APC2: variants seen among roughly 807,000 people sequenced by gnomAD.
The protein encoded by APC2 is adenomatous polyposis coli protein 2.
In APC2, 41 loss-of-function variants were observed where a neutral mutation model predicts 72.5. The ratio of observed to expected loss-of-function variants is 0.57; its 90% CI spans 0.44 to 0.73. APC2 has a LOEUF of 0.73. Among genes scored for constraint, APC2 ranks in the 30% least tolerant of loss-of-function variants. APC2 has a pLI of 0.00. For synonymous variants in APC2, 1,898 were observed against 1,612.0 expected, an observed-to-expected ratio of 1.18 and a Z score of -4.25; for missense variants, 3,729 against 3,403.4, an observed-to-expected ratio of 1.10 and a Z score of -2.38.
In APC2 at chr19:1,471,490, G is replaced by A. The variant is rs1318718091; in HGVS notation, c.*1277G>A. The A allele has an allele frequency of 1.3e-5, 2 of 152,278 alleles. No homozygotes were observed. Among genetic ancestry groups the A allele is most frequent in the African/African-American group, 4.8e-5 (2 of 41,470 alleles). The allele number at this position is 152,278 out of a possible 1,614,324, so 9.4% of individuals were successfully genotyped here. ...GCTCGGCTGCCTCATCCCCTGGCGGGGGAGGCTGGGAGCTGGGCCTCCTGC... is the reference window on the plus strand; with the variant it reads ...GCTCGGCTGCCTCATCCCCTGGCGGAGGAGGCTGGGAGCTGGGCCTCCTGC... On this transcript the variant is annotated 3_prime_UTR_variant, in exon 15 of 15. Coordinates refer to ENST00000590469, the MANE Select transcript of APC2 (RefSeq NM_005883.3).
Position 1,462,186 on chromosome 19 carries a change from C to T in APC2, c.1853+9C>T. 1 of 1,522,378 alleles carries T rather than the reference C, an allele frequency of 6.6e-7. No individual in the cohort carries two copies. The highest frequency in any genetic ancestry group is 8.8e-7 in the Non-Finnish European group (1 of 1,132,176). 94.3% of individuals were successfully genotyped at this position (1,522,378 alleles called of 1,614,324 possible). On this transcript the variant is annotated intron_variant, in intron 14 of 14. Transcript: ENST00000590469. ...ACCCGTGAGGACTACAGGTCGGCCC[C>T]CACCCCCCCACCCGCACACAGGCAG... is the stretch of plus-strand genomic sequence containing the variant.
chr19:1,465,358 G>A lies in APC2; in HGVS notation c.2057G>A (p.Gly686Asp). 6.3e-7 allele frequency: 1 copy of A among 1,585,372 alleles called. No individual in the cohort carries two copies. Among genetic ancestry groups the A allele is most frequent in the Non-Finnish European group, 8.5e-7 (1 of 1,173,304 alleles). ...VHSKHKMIAM[G>D]SAAALRNLLA... Reference sequence around the variant, plus strand: ...TCCAAGCACAAGATGATCGCCATGGGCAGCGCCGCCGCCCTGCGCAACCTG... The same window carrying A: ...TCCAAGCACAAGATGATCGCCATGGACAGCGCCGCCGCCCTGCGCAACCTG... The change falls in exon 15 of 15, where the codon GGC becomes GAC. Residue 686 changes from glycine (G) to aspartate (D), a missense_variant. Coordinates refer to ENST00000590469, the MANE Select transcript of APC2 (RefSeq NM_005883.3).
At chr19:1,461,913 C>T (rs530621155) in intron 13 of APC2, 50 bp from the exon 14 acceptor site, 1 of 1,499,182 alleles carries the variant, frequency 6.7e-7, no homozygotes, top group African/African-American at 1.4e-5. Context: ...GGGAGCCTTT[C>T]CTCCGGGCCA....
rs764084952 is a variant in APC2 at position 1,462,073 on chromosome 19, C to G, written c.1749C>G (p.Ser583Arg). Residue 583 changes from serine (S) to arginine (R), a missense_variant, in exon 14 of 15, where the codon AGC becomes AGG. Coordinates refer to ENST00000590469, the MANE Select transcript of APC2 (RefSeq NM_005883.3). ...ATGGCGCCCTGGGCTTCCTGGTGAG[C>G]ACCCTGACCTACAAGTGTCAGAGCA... Reference protein sequence around the residue: ...QVDGALGFLVSTLTYKCQSNS... With the variant: ...QVDGALGFLVRTLTYKCQSNS... 6.2e-7 allele frequency: 1 copy of G among 1,612,974 alleles called. No individual in the cohort carries two copies. The highest frequency in any genetic ancestry group is 1.3e-5 in the African/African-American group (1 of 74,928).
intron 11 of APC2, among the ~76,000 whole-genome samples, 184 bp from the exon 12 acceptor site, chr19:1,460,596 G>A (rs1034579131): frequency 3.9e-5 from 6 of 152,180 alleles, no homozygotes; most frequent in Non-Finnish European, 2.9e-5. Context: ...CCCCGAGGCT[G>A]GGTGTCTGCC....
At position 1,469,662 on chromosome 19, in the gene APC2, T is replaced by A. The variant is rs1332983858; in HGVS notation, c.6361T>A (p.Ser2121Thr). ...PDGAVPAAPA[S>T]ADAARRSSDG... ...CGGCGCCGTCCCCGCGGCCCCTGCCTCAGCCGACGCCGCGCGCCGCAGCAG... is the reference window on the plus strand; with the variant it reads ...CGGCGCCGTCCCCGCGGCCCCTGCCACAGCCGACGCCGCGCGCCGCAGCAG... Residue 2121 changes from serine to threonine, a missense_variant, in exon 15 of 15, where the codon TCA becomes ACA. By Grantham distance (58) the Ser-to-Thr change is moderately conservative. Coordinates refer to ENST00000590469, the MANE Select transcript of APC2 (RefSeq NM_005883.3). The A allele has an allele frequency of 4.0e-6, 5 of 1,261,940 alleles. No homozygotes were observed. The East Asian group carries it at 1.3e-4, about 34-fold the overall frequency. The allele number at this position is 1,261,940 out of a possible 1,614,324, so 78.2% of individuals were successfully genotyped here.
rs1250672543 is a variant in APC2, at chr19:1,470,735, T to C, written c.*522T>C. 2 of 153,010 alleles carry C rather than the reference T, an allele frequency of 1.3e-5. No homozygotes were observed. The highest frequency in any genetic ancestry group is 2.4e-5 in the African/African-American group (1 of 41,450). 9.5% of individuals were successfully genotyped at this position (153,010 alleles called of 1,614,324 possible). A position where few individuals can be genotyped will look rare whatever the true frequency, so the allele number is the denominator to read the frequency against. Reference sequence around the variant, plus strand: ...ATCACTGCAGCCGCCGGTAATTCGCTAATGAGGGCTTTGCAGGGATTGTTT... The same window carrying C: ...ATCACTGCAGCCGCCGGTAATTCGCCAATGAGGGCTTTGCAGGGATTGTTT... On this transcript the variant is annotated 3_prime_UTR_variant, in exon 15 of 15. Coordinates refer to ENST00000590469, the MANE Select transcript of APC2 (RefSeq NM_005883.3).
rs1180782498 is a variant in APC2 at position 1,455,464 on chromosome 19, C to A, written c.603C>A (p.Arg201=). The change falls in exon 6 of 15, where the codon CGC becomes CGA. Residue 201 remains arginine (R), a synonymous_variant. Transcript: ENST00000590469. ...ACATCCGCTCGCTGATGGAGGAGCGCTTCGGCACCTCGGACGAGATGGTGC... is the reference window on the plus strand; with the variant it reads ...ACATCCGCTCGCTGATGGAGGAGCGATTCGGCACCTCGGACGAGATGGTGC... ...AQHIRSLMEE[R]FGTSDEMVQR... is the part of the protein sequence containing the mutation. 3.7e-6 allele frequency: 6 copies of A among 1,604,970 alleles called. No homozygotes were observed. Among genetic ancestry groups the A allele is most frequent in the Non-Finnish European group, 5.1e-6 (6 of 1,176,320 alleles).
Position 1,452,662 on chromosome 19 carries a change from TG to T in APC2, c.-18-317del. On this transcript the variant is annotated intron_variant, in intron 1 of 14. Coordinates refer to ENST00000590469, the MANE Select transcript of APC2 (RefSeq NM_005883.3). The surrounding 1 kb of genome is among the most constrained non-coding windows in gnomAD (Gnocchi z 5.1). The stretch of plus-strand genomic sequence containing the variant: ...TTTGTCCGGCTGTCAGGATGTGTCC[TG>T]GGGGCTGGGAAGGAGAGGCCGACCC... 3.2e-6 allele frequency: 1 copy of T among 316,350 alleles called. No individual in the cohort carries two copies. 19.6% of individuals were successfully genotyped at this position (316,350 alleles called of 1,614,324 possible).
Position 1,457,305 on chromosome 19 carries a change from G to A in APC2, c.1207+62G>A, listed in dbSNP as rs1420238074. The A allele has an allele frequency of 2.7e-6, 4 of 1,462,982 alleles. No homozygotes were observed. The Admixed American group carries it at 8.0e-5, about 29-fold the overall frequency. 90.6% of individuals were successfully genotyped at this position (1,462,982 alleles called of 1,614,324 possible). ...TAACGTGCAGCTAGGGCTTCCCGGG[G>A]GATGGGCGACTAGGACCTCCAGCCT... On this transcript the variant is annotated intron_variant, in intron 9 of 14. Coordinates refer to ENST00000590469, the MANE Select transcript of APC2 (RefSeq NM_005883.3).
At position 1,471,406 on chromosome 19, in the gene APC2, G is replaced by C. The variant is rs999198450; in HGVS notation, c.*1193G>C. Reference sequence around the variant, plus strand: ...TTCGGGGGCCTTCCGGCAGGTGAACGCAGGGCTGGAGAGTATTTGGTGCCA... The same window carrying C: ...TTCGGGGGCCTTCCGGCAGGTGAACCCAGGGCTGGAGAGTATTTGGTGCCA... On this transcript the variant is annotated 3_prime_UTR_variant, in exon 15 of 15. Transcript: ENST00000590469. The C allele has an allele frequency of 2.0e-5, 3 of 152,490 alleles. No individual in the cohort carries two copies. Among genetic ancestry groups the C allele is most frequent in the African/African-American group, 7.2e-5 (3 of 41,606 alleles). 9.4% of individuals were successfully genotyped at this position (152,490 alleles called of 1,614,324 possible).
Position 1,453,439 on chromosome 19 carries a change from A to G in APC2, c.241A>G (p.Met81Val), listed in dbSNP as rs532751871. The G allele has an allele frequency of 1.9e-5, 30 of 1,601,998 alleles. No individual in the cohort carries two copies. In the African/African-American group the frequency reaches 3.7e-4, roughly 20 times the overall value. ...EVLEQLKALQ[M>V]DITSLYNLKF... ...TGTCCCCGCCCATCCAGCCCTACAG[A>G]TGGACATCACCAGCCTGTACAACCT... is the stretch of plus-strand genomic sequence containing the variant. The change falls in exon 4 of 15, where the codon ATG becomes GTG. Residue 81 changes from methionine (M) to valine (V), a missense_variant. Met to Val is a conservative substitution (Grantham distance 21). Transcript: ENST00000590469.
chr19:1,447,045 G>T (rs568355196), upstream of APC2, among the ~76,000 whole-genome samples: 1 of 152,190 alleles, frequency 6.6e-6, no homozygotes, highest in African/African-American at 2.4e-5. Flanking sequence ...TGACGGAGGC[G>T]CACGTCTGCC....
intron 11 of APC2, 134 bp downstream of exon 11, chr19:1,460,454 G>C: frequency 7.2e-7 from 1 of 1,390,370 alleles, no homozygotes; most frequent in East Asian, 2.4e-5. Context: ...CAGACGGGTA[G>C]ACTGAGGCCC....
At chr19:1,456,242 C>T (rs1298726489) in intron 7 of APC2, 64 bp from the exon 8 acceptor site, 2 of 1,560,182 alleles carry the variant, frequency 1.3e-6, no homozygotes, top group Non-Finnish European at 1.7e-6. Context: ...CCGCCCACAT[C>T]ATCACGGGTG....
Position 1,465,864 on chromosome 19 carries a change from G to A in APC2, c.2563G>A (p.Asp855Asn), listed in dbSNP as rs750914919. The change falls in exon 15 of 15, where the codon GAC becomes AAC. Residue 855 changes from aspartate (D) to asparagine (N), a missense_variant. Physicochemically the swap from Asp to Asn is conservative, Grantham distance 23. Coordinates refer to ENST00000590469, the MANE Select transcript of APC2 (RefSeq NM_005883.3). ...GCTGGCGCTTGCAGTGGCGCGCATC[G>A]ACCAGCTGGTGGAGGACATCTCCGC... ...AKLALAVARI[D>N]QLVEDISALH... The A allele has an allele frequency of 6.4e-7, 1 of 1,567,192 alleles. No individual in the cohort carries two copies. Among genetic ancestry groups the A allele is most frequent in the South Asian group, 1.2e-5 (1 of 86,314 alleles).
Position 1,462,943 on chromosome 19 carries a change from A to T in APC2, c.1853+766A>T, listed in dbSNP as rs1359928565. Among the ~76,000 whole-genome samples the T allele has an allele frequency of 2.0e-5, 3 of 146,590 alleles. No individual in the cohort carries two copies. In the East Asian group the frequency reaches 6.2e-4, roughly 30 times the overall value. On this transcript the variant is annotated intron_variant, in intron 14 of 14. Coordinates refer to ENST00000590469, the MANE Select transcript of APC2 (RefSeq NM_005883.3). The stretch of plus-strand genomic sequence containing the variant: ...CTGAGATTGTGCCACTGCACTCCAG[A>T]TTGGGCGACAGAGCAAGATTCCGTC...
At chr19:1,462,220 G>T (rs545241926) in intron 14 of APC2, 43 bp downstream of exon 14, 2 of 1,491,724 alleles carry the variant, frequency 1.3e-6, no homozygotes, top group Admixed American at 2.0e-5. Context: ...AGCTGCGCTC[G>T]GGGCGGGCAC....
Position 1,469,640 on chromosome 19 carries a change from CGCCGTCCCCGCGGCCCCTGCCTCA to C in APC2, c.6344_6367del (p.Val2115_Ala2122del). Reference sequence around the variant, plus strand: ...TCAGCGTGGCCCGCAGGCCCGACGGCGCCGTCCCCGCGGCCCCTGCCTCAGCCGACGCCGCGCGCCGCAGCAGCG... The same window carrying C: ...TCAGCGTGGCCCGCAGGCCCGACGGCGCCGACGCCGCGCGCCGCAGCAGCG... On this transcript the variant is annotated inframe_deletion, in exon 15 of 15. Coordinates refer to ENST00000590469, the MANE Select transcript of APC2 (RefSeq NM_005883.3). 8.1e-7 allele frequency: 1 copy of C among 1,229,816 alleles called. No individual in the cohort carries two copies. The highest frequency in any genetic ancestry group is 1.0e-6 in the Non-Finnish European group (1 of 986,782). The allele number at this position is 1,229,816 out of a possible 1,614,324, so 76.2% of individuals were successfully genotyped here. A position where few individuals can be genotyped will look rare whatever the true frequency, so the allele number is the denominator to read the frequency against.
Sources: allele counts gnomAD v4.1 joint callset (sites outside exome capture counted in the v4.1 genomes callset), GRCh38; gene constraint gnomAD v4.1.1; non-coding constraint Gnocchi (gnomAD v3.1); transcripts MANE v1.5; gene names NCBI Gene and HGNC (gene_info 2026-07-23, HGNC 2026-07-21).